ADRA1A: variants seen among roughly 807,000 people sequenced by gnomAD.
ADRA1A encodes the protein adrenoceptor alpha 1A.
In ADRA1A, 31 loss-of-function variants were observed where a neutral mutation model predicts 29.6. The observed-to-expected ratio is 1.05, with a 90% CI of 0.79 to 1.41. The LOEUF (loss-of-function observed/expected upper bound fraction) is 1.41. ADRA1A is among the 40% of genes most tolerant of loss of function. The pLI is 0.00. For missense variants in ADRA1A, 619 were observed against 601.1 expected (o/e 1.03, Z -0.31); for synonymous variants, 311 against 254.3 (o/e 1.22, Z -2.12).
At chr8:26,803,919 C>CTTTTTT (rs34314160) in intron 2 of ADRA1A, among the ~76,000 whole-genome samples, 14 of 95,218 alleles carry the variant, frequency 1.5e-4, no homozygotes, top group South Asian at 4.0e-4. Context: ...TGGAAGTTTC[C>CTTTTTT]TTTTTTTTTT....
intron 2 of ADRA1A, among the ~76,000 whole-genome samples, chr8:26,838,837 C>T (rs1427406983): frequency 6.6e-6 from 1 of 152,230 alleles, no homozygotes; most frequent in Non-Finnish European, 1.5e-5. Flanking sequence ...AGGCCTCCCT[C>T]CTTAATGTCT....
intron 2 of ADRA1A, among the ~76,000 whole-genome samples, chr8:26,800,929 A>G (rs1166485190): frequency 1.3e-5 from 2 of 152,214 alleles, no homozygotes; most frequent in Non-Finnish European, 2.9e-5. Context: ...ATTATTCATC[A>G]TGACCAACTG....
chr8:26,846,639 G>A (rs1812225419), intron 2 of ADRA1A, among the ~76,000 whole-genome samples: 1 of 152,134 alleles, frequency 6.6e-6, no homozygotes, highest in African/African-American at 2.4e-5. Context: ...AGGCGTGGTG[G>A]CAGGCACCTG....
At chr8:26,801,041 A>C (rs1426155171) in intron 2 of ADRA1A, among the ~76,000 whole-genome samples, 2 of 152,236 alleles carry the variant, frequency 1.3e-5, no homozygotes, top group Non-Finnish European at 2.9e-5. Flanking sequence ...TGATTATTTC[A>C]ATTGTTGCTG....
chr8:26,853,864 A>G (rs1016924581), intron 2 of ADRA1A: 6 of 152,250 alleles, frequency 3.9e-5, no homozygotes, highest in African/African-American at 1.4e-4. Flanking sequence ...ATGTCTAAAC[A>G]TTTGCAAAAA....
chr8:26,812,286 GA>G (rs1420746474), intron 2 of ADRA1A, among the ~76,000 whole-genome samples: 1 of 152,112 alleles, frequency 6.6e-6, no homozygotes, highest in Non-Finnish European at 1.5e-5. Flanking sequence ...TTTTTCTTCT[GA>G]GGCTTTTCTC....
chr8:26,824,406 C>G (rs1810399681), intron 2 of ADRA1A, among the ~76,000 whole-genome samples: 1 of 152,116 alleles, frequency 6.6e-6, no homozygotes, highest in South Asian at 2.1e-4. Flanking sequence ...CAGCCTCCTT[C>G]AAACTTCGTT....
intron 2 of ADRA1A, among the ~76,000 whole-genome samples, chr8:26,794,819 T>C (rs1249700968): frequency 6.6e-6 from 1 of 152,030 alleles, no homozygotes; most frequent in African/African-American, 2.4e-5. Flanking sequence ...TTATTAAGAA[T>C]ATTATTATGA....
At chr8:26,809,961 C>T (rs1585736537) in intron 2 of ADRA1A, among the ~76,000 whole-genome samples, 1 of 152,028 alleles carries the variant, frequency 6.6e-6, no homozygotes, top group African/African-American at 2.4e-5. Context: ...ATTATTATAC[C>T]CTGTTCTGTG....
At chr8:26,832,031 G>A (rs1195295948) in intron 2 of ADRA1A, among the ~76,000 whole-genome samples, 1 of 152,232 alleles carries the variant, frequency 6.6e-6, no homozygotes, top group South Asian at 2.1e-4. Context: ...AGAATCCAGG[G>A]ACGCTCCTCT....
At chr8:26,829,958 T>TG (rs985430515) in intron 2 of ADRA1A, among the ~76,000 whole-genome samples, 9 of 8,526 alleles carry the variant, frequency 1.1e-3, no homozygotes, top group African/African-American at 2.0e-3. Context: ...GGTGTGTGTC[T>TG]GGGGGGTGGG....
At position 26,815,743 on chromosome 8, in the gene ADRA1A, G is replaced by A. The variant is rs551849874; in HGVS notation, c.884-45077C>T. Reference sequence around the variant, plus strand: ...GTAGAATGCAGCCAAAGCAATAATTGGAAATGTGCAGCCTCAAATATTTCT... The same window carrying A: ...GTAGAATGCAGCCAAAGCAATAATTAGAAATGTGCAGCCTCAAATATTTCT... On this transcript the variant is annotated intron_variant, in intron 2 of 2. Coordinates refer to ENST00000380573, the MANE Select transcript of ADRA1A (RefSeq NM_000680.4). This position sits in a 1 kb window ranked among gnomAD's most constrained non-coding sequence, Gnocchi z 4.2. Among the ~76,000 whole-genome samples, 26 of 152,294 alleles carry A rather than the reference G, an allele frequency of 1.7e-4. No individual in the cohort carries two copies. Among genetic ancestry groups the A allele is most frequent in the African/African-American group, 6.3e-4 (26 of 41,544 alleles).
chr8:26,770,371 G>C lies in ADRA1A; in HGVS notation c.1179C>G (p.Gly393=), dbSNP rs143947423. The C allele has an allele frequency of 1.2e-5, 19 of 1,614,060 alleles. No individual in the cohort carries two copies. The highest frequency in any genetic ancestry group is 4.0e-5 in the African/African-American group (3 of 74,920). The part of the protein sequence containing the change: ...ETFYRISKTD[G]VCEWKFFSSM... The stretch of plus-strand genomic sequence containing the variant: ...AAGAGAAAAATTTCCATTCACAAAC[G>C]CCATCCGTCTTGGAGATCCTGTAGA... The change falls in exon 3 of 3, where the codon GGC becomes GGG. Residue 393 remains glycine, a synonymous_variant. Transcript: ENST00000380573.
chr8:26,783,249 C>T lies in ADRA1A; in HGVS notation c.884-12583G>A, dbSNP rs567539605. Among the ~76,000 whole-genome samples the T allele has an allele frequency of 5.9e-5, 9 of 152,242 alleles. No individual in the cohort carries two copies. In the South Asian group the frequency reaches 1.9e-3, roughly 32 times the overall value. On this transcript the variant is annotated intron_variant, in intron 2 of 2. Coordinates refer to ENST00000380573, the MANE Select transcript of ADRA1A (RefSeq NM_000680.4). ...TATTAGGCCCGGGAGACTGAAAATT[C>T]ACTTGGCTGGATAAGTAGGTAGTAG...
intron 2 of ADRA1A, among the ~76,000 whole-genome samples, chr8:26,861,340 T>C (rs1334337166): frequency 7.0e-6 from 1 of 143,408 alleles, no homozygotes; most frequent in Admixed American, 7.2e-5. Flanking sequence ...AGCCTCGCTC[T>C]GCACCCAGGC....
chr8:26,766,307 T>C (rs1368633337), downstream of ADRA1A, among the ~76,000 whole-genome samples: 2 of 152,266 alleles, frequency 1.3e-5, no homozygotes, highest in Non-Finnish European at 1.5e-5. Flanking sequence ...ATATGTGTCC[T>C]GTCAGCAACT....
intron 2 of ADRA1A, among the ~76,000 whole-genome samples, chr8:26,849,964 G>A (rs1311263107): frequency 1.7e-5 from 2 of 116,288 alleles, no homozygotes; most frequent in East Asian, 4.9e-4. Context: ...ACATGAACTT[G>A]AGAAATTCAA....
chr8:26,822,961 A>T (rs1810286087), intron 2 of ADRA1A, among the ~76,000 whole-genome samples: 1 of 152,144 alleles, frequency 6.6e-6, no homozygotes, highest in African/African-American at 2.4e-5. Flanking sequence ...GTGTCAAACT[A>T]TGAGAAACCA....
chr8:26,779,508 G>T, intron 2 of ADRA1A: 1 of 624,316 alleles, frequency 1.6e-6, no homozygotes, highest in South Asian at 1.9e-5. Context: ...TAGGCAAATG[G>T]AAACAGTCAA....
Sources: gnomAD v4.1 joint callset for allele counts (sites outside exome capture counted in the v4.1 genomes callset) on GRCh38, gnomAD v4.1.1 for gene constraint, Gnocchi (gnomAD v3.1) non-coding constraint, MANE v1.5 for transcripts, NCBI Gene and HGNC (gene_info 2026-07-23, HGNC 2026-07-21) for gene names.